Variants in LIG1 observed in about 807,000 individuals in gnomAD.
The protein encoded by LIG1 is ligase I, DNA, ATP-dependent.
In LIG1, 70 loss-of-function variants were observed where a neutral mutation model predicts 115.7. That is an observed-to-expected ratio of 0.60 (90% CI 0.50 to 0.74). The LOEUF (loss-of-function observed/expected upper bound fraction) is 0.74. LIG1 is among the 30% of genes least tolerant of loss of function. LIG1 has a pLI of 0.00. For synonymous variants in LIG1, 487 were observed against 495.3 expected, an observed-to-expected ratio of 0.98 and a Z score of 0.22; for missense variants, 1,115 against 1,225.6, an observed-to-expected ratio of 0.91 and a Z score of 1.35.
chr19:48,135,927 A>G, intron 15 of LIG1, 107 bp downstream of exon 15: 2 of 658,058 alleles, frequency 3.0e-6, no homozygotes, highest in African/African-American at 1.9e-5. Context: ...GGAGCCTGGT[A>G]TGGCAGGGGC....
intron 6 of LIG1, among the ~76,000 whole-genome samples, chr19:48,152,124 T>A (rs765983248): frequency 8.6e-5 from 13 of 151,914 alleles, no homozygotes; most frequent in Non-Finnish European, 2.9e-5. Flanking sequence ...CAATAAGAAA[T>A]CAAATCTTTT....
chr19:48,126,259 C>T (rs911532135), intron 21 of LIG1, among the ~76,000 whole-genome samples: 2 of 151,984 alleles, frequency 1.3e-5, no homozygotes, highest in African/African-American at 4.8e-5. Flanking sequence ...TTCCTGACAT[C>T]CTAAAGCAAG....
rs369621519 is a variant in LIG1, at chr19:48,121,263, G to A, written c.2292C>T (p.Ala764=). 77 of 1,613,620 alleles carry A rather than the reference G, an allele frequency of 4.8e-5. No homozygotes were observed. The African/African-American group carries it at 9.5e-4, about 20-fold the overall frequency. Residue 764 remains alanine (A), a synonymous_variant, in exon 24 of 28, where the codon GCC becomes GCT. Transcript: ENST00000263274. ...CGGCCCGCTTCCCCCGGCCCAGGTA[G>A]GCGCCGATCACCACCAGGTCCAGGG... ...GDTLDLVVIG[A]YLGRGKRAGR...
chr19:48,137,201 A>C lies in LIG1; in HGVS notation c.1255-117T>G. The stretch of plus-strand genomic sequence containing the variant: ...ATACCTGCCCTCCTTCCCTCACCCC[A>C]TCCCCATGTCCCAGCTCCCATGGCC... On this transcript the variant is annotated intron_variant, in intron 13 of 27. Transcript: ENST00000263274. This position sits in a 1 kb window ranked among gnomAD's most constrained non-coding sequence, Gnocchi z 4.3. 1 of 899,764 alleles carries C rather than the reference A, an allele frequency of 1.1e-6. No homozygotes were observed. The highest frequency in any genetic ancestry group is 1.8e-6 in the Non-Finnish European group (1 of 559,574). 55.7% of individuals were successfully genotyped at this position (899,764 alleles called of 1,614,324 possible). A position where few individuals can be genotyped will look rare whatever the true frequency, so the allele number is the denominator to read the frequency against.
rs887868859 is a variant in LIG1 at position 48,137,856 on chromosome 19, G to A, written c.1088-168C>T. On this transcript the variant is annotated intron_variant, in intron 12 of 27. Transcript: ENST00000263274. The surrounding 1 kb of genome is among the most constrained non-coding windows in gnomAD (Gnocchi z 4.3). Reference sequence around the variant, plus strand: ...ACTTGGTAGAAATGGCTTGGGGAACGTGCCCCCAGCCACGCTGGCTGTAGG... The same window carrying A: ...ACTTGGTAGAAATGGCTTGGGGAACATGCCCCCAGCCACGCTGGCTGTAGG... 27 of 821,436 alleles carry A rather than the reference G, an allele frequency of 3.3e-5. No individual in the cohort carries two copies. The highest frequency in any genetic ancestry group is 4.5e-4 in the Middle Eastern group (2 of 4,410). The allele number at this position is 821,436 out of a possible 1,614,324, so 50.9% of individuals were successfully genotyped here. A position where few individuals can be genotyped will look rare whatever the true frequency, so the allele number is the denominator to read the frequency against.
intron 9 of LIG1, among the ~76,000 whole-genome samples, chr19:48,148,674 G>A (rs1270908427): frequency 6.6e-6 from 1 of 152,012 alleles, no homozygotes; most frequent in Non-Finnish European, 1.5e-5. Flanking sequence ...AGATGGGGGG[G>A]TGACCTCATT....
chr19:48,122,479 T>G lies in LIG1; in HGVS notation c.2232+455A>C, dbSNP rs1599742759. ...TCCCTCAGGGTCTCTGCACCGGGGG[T>G]TTTCCTCCCTAGTGCTCTGTCCCTC... On this transcript the variant is annotated intron_variant, in intron 23 of 27. Coordinates refer to ENST00000263274, the MANE Select transcript of LIG1 (RefSeq NM_000234.3). This position sits in a 1 kb window ranked among gnomAD's most constrained non-coding sequence, Gnocchi z 4.3. 2 of 246,712 alleles carry G rather than the reference T, an allele frequency of 8.1e-6. No individual in the cohort carries two copies. Among genetic ancestry groups the G allele is most frequent in the Non-Finnish European group, 1.6e-5 (2 of 123,366 alleles). The allele number at this position is 246,712 out of a possible 1,614,324, so 15.3% of individuals were successfully genotyped here.
At chr19:48,130,718 C>T (rs2033963011) in intron 19 of LIG1, among the ~76,000 whole-genome samples, 1 of 152,228 alleles carries the variant, frequency 6.6e-6, no homozygotes, top group Admixed American at 6.5e-5. Flanking sequence ...GCTAGAATCC[C>T]TTTTCCCTCT....
intron 20 of LIG1, 158 bp from the exon 21 acceptor site, chr19:48,127,506 G>C (rs156640): frequency 0.47 from 323,572 of 687,764 alleles, 78,854 homozygotes; most frequent in East Asian, 0.77. Context: ...GTGCTGGATC[G>C]TTAACGGCTC....
At chr19:48,141,287 G>A (rs578262139) in intron 11 of LIG1, among the ~76,000 whole-genome samples, 1 of 152,284 alleles carries the variant, frequency 6.6e-6, no homozygotes, top group East Asian at 1.9e-4. Flanking sequence ...GCACCACCAT[G>A]CCCGGCTAAT....
intron 6 of LIG1, among the ~76,000 whole-genome samples, 179 bp downstream of exon 6, chr19:48,153,691 CCT>C (rs1221330090): frequency 8.8e-6 from 1 of 113,780 alleles, no homozygotes; most frequent in Admixed American, 9.0e-5. Flanking sequence ...CACACACACA[CCT>C]CTCCTTCTGG....
chr19:48,125,949 C>T (rs916119810), intron 21 of LIG1, among the ~76,000 whole-genome samples: 6 of 144,798 alleles, frequency 4.1e-5, no homozygotes, highest in African/African-American at 1.5e-4. Flanking sequence ...GATCATGCCA[C>T]TGCACTCCAG....
intron 19 of LIG1, among the ~76,000 whole-genome samples, chr19:48,129,075 GAC>G (rs66736600): frequency 0.15 from 22,884 of 150,388 alleles, 2,004 homozygotes; most frequent in African/African-American, 0.26. Context: ...TCTTTTTTGA[GAC>G]AGTCTCCCAC....
intron 11 of LIG1, among the ~76,000 whole-genome samples, chr19:48,142,610 T>C (rs1007316334): frequency 1.4e-4 from 21 of 151,596 alleles, no homozygotes; most frequent in African/African-American, 4.9e-4. Flanking sequence ...GGTTTGATAG[T>C]GAAGGCAAGC....
At chr19:48,119,603 A>G (rs1284538091) in intron 24 of LIG1, among the ~76,000 whole-genome samples, 1 of 140,812 alleles carries the variant, frequency 7.1e-6, no homozygotes, top group Non-Finnish European at 1.5e-5. Context: ...CAGTGGTGCA[A>G]TCTTGGCTCA....
intron 19 of LIG1, among the ~76,000 whole-genome samples, chr19:48,130,465 A>G (rs1299545908): frequency 1.3e-5 from 2 of 152,216 alleles, no homozygotes; most frequent in East Asian, 3.8e-4. Context: ...CCAGCCCTGT[A>G]TGACTCTGAG....
intron 5 of LIG1, among the ~76,000 whole-genome samples, chr19:48,156,717 C>T (rs1196065248): frequency 1.3e-5 from 2 of 151,808 alleles, no homozygotes; most frequent in Non-Finnish European, 2.9e-5. Flanking sequence ...CTGAGGCAGG[C>T]GGATCACGAG....
chr19:48,121,203 G>T lies in LIG1; in HGVS notation c.2352C>A (p.Asp784Glu). The change falls in exon 24 of 28, where the codon GAC becomes GAA. Residue 784 changes from aspartate to glutamate, a missense_variant. Transcript: ENST00000263274. Reference sequence around the variant, plus strand: ...TGGCCTGCAGCTCCTCACTGTCCTCGTCGTAGGAGGCCAGCAGGAAGCCCC... The same window carrying T: ...TGGCCTGCAGCTCCTCACTGTCCTCTTCGTAGGAGGCCAGCAGGAAGCCCC... Reference protein sequence around the residue: ...RYGGFLLASYDEDSEELQAIC... With the variant: ...RYGGFLLASYEEDSEELQAIC... 1 of 1,614,000 alleles carries T rather than the reference G, an allele frequency of 6.2e-7. No individual in the cohort carries two copies. The highest frequency in any genetic ancestry group is 1.1e-5 in the South Asian group (1 of 91,076).
At chr19:48,154,118 A>G in intron 5 of LIG1, 151 bp from the exon 6 acceptor site, 1 of 717,580 alleles carries the variant, frequency 1.4e-6, no homozygotes, top group South Asian at 1.4e-5. Flanking sequence ...TGCAGGCCGC[A>G]CCCTTCAATC....
Sources: allele counts gnomAD v4.1 joint callset (sites outside exome capture counted in the v4.1 genomes callset), GRCh38; gene constraint gnomAD v4.1.1; non-coding constraint Gnocchi (gnomAD v3.1); transcripts MANE v1.5; gene names NCBI Gene and HGNC (gene_info 2026-07-23, HGNC 2026-07-21).